The following ACOX2 variants were observed in gnomAD, a reference collection of about 807,000 sequenced individuals.
ACOX2 encodes the protein peroxisomal acyl-coenzyme A oxidase 2.
Under a neutral mutation model 77.5 loss-of-function variants are expected in ACOX2, and 59 were observed. The observed-to-expected ratio is 0.76, with a 90% CI of 0.62 to 0.95. The LOEUF is 0.95. Ranked by LOEUF, ACOX2 falls within the 40% of genes least tolerant of loss-of-function variation. The probability of loss-of-function intolerance (pLI) is 0.00; values close to 1 mark genes in which losing one functional copy is unlikely to be tolerated. For missense variants in ACOX2, 837 were observed against 880.4 expected (o/e 0.95, Z 0.62); for synonymous variants, 317 against 340.1 (o/e 0.93, Z 0.75).
rs1172004892 is a variant in ACOX2, at chr3:58,523,602, T to A, written c.1526+824A>T. Among the ~76,000 whole-genome samples, 3 of 151,972 alleles carry A rather than the reference T, an allele frequency of 2.0e-5. No individual in the cohort carries two copies. The highest frequency in any genetic ancestry group is 4.4e-5 in the Non-Finnish European group (3 of 68,020). On this transcript the variant is annotated intron_variant, in intron 11 of 14. Transcript: ENST00000302819. This position sits in a 1 kb window ranked among gnomAD's most constrained non-coding sequence, Gnocchi z 5.3. ...TTTGTTTTTGGTGTTTCCTTTTTAT[T>A]TTTTTATTAAAATTTTTTGTATTTT...
chr3:58,530,213 C>T (rs910680256), intron 8 of ACOX2, among the ~76,000 whole-genome samples: 2 of 152,236 alleles, frequency 1.3e-5, no homozygotes, highest in Admixed American at 6.5e-5. Context: ...CACATAGAGC[C>T]CGATGGGGGC....
chr3:58,509,168 AT>A, intron 13 of ACOX2, 143 bp from the exon 14 acceptor site: 2 of 1,029,118 alleles, frequency 1.9e-6, no homozygotes, highest in Non-Finnish European at 1.4e-6. Flanking sequence ...TTTAGTTTTT[AT>A]TTTTTAATCA....
chr3:58,507,995 C>T (rs2063247019), intron 14 of ACOX2, among the ~76,000 whole-genome samples: 1 of 152,182 alleles, frequency 6.6e-6, no homozygotes, highest in African/African-American at 2.4e-5. Context: ...AGCTTCACCA[C>T]CTGAATCATG....
chr3:58,535,084 A>T lies in ACOX2; in HGVS notation c.23T>A (p.Val8Glu), dbSNP rs902727935. The change falls in exon 2 of 15, where the codon GTG becomes GAG. Residue 8 changes from valine (V) to glutamate (E), a missense_variant. By Grantham distance (121) the Val-to-Glu change is moderately radical. Transcript: ENST00000302819. The surrounding 1 kb of genome is among the most constrained non-coding windows in gnomAD (Gnocchi z 4.8). MGSPVHRVSLGDTWSRQM... is the reference protein window; with the variant it reads MGSPVHRESLGDTWSRQM... The stretch of plus-strand genomic sequence containing the variant: ...CCTGCTCCAGGTATCCCCCAATGAC[A>T]CTCGGTGCACTGGGCTGCCCATCCT... 7 of 1,614,064 alleles carry T rather than the reference A, an allele frequency of 4.3e-6. No individual in the cohort carries two copies. Among genetic ancestry groups the T allele is most frequent in the Non-Finnish European group, 5.1e-6 (6 of 1,180,014 alleles).
At position 58,533,838 on chromosome 3, in the gene ACOX2, C is replaced by T. The variant is rs972342154; in HGVS notation, c.475+156G>A. 8 of 1,008,264 alleles carry T rather than the reference C, an allele frequency of 7.9e-6. No individual in the cohort carries two copies. Among genetic ancestry groups the T allele is most frequent in the Non-Finnish European group, 1.1e-5 (8 of 701,570 alleles). 62.5% of individuals were successfully genotyped at this position (1,008,264 alleles called of 1,614,324 possible). ...ACGTGCAAATTAGAAGGTGGCACCCCTTCCTCAGGACCCTTGACTGCCAGC... is the reference window on the plus strand; with the variant it reads ...ACGTGCAAATTAGAAGGTGGCACCCTTTCCTCAGGACCCTTGACTGCCAGC... On this transcript the variant is annotated intron_variant, in intron 4 of 14. Coordinates refer to ENST00000302819, the MANE Select transcript of ACOX2 (RefSeq NM_003500.4). This position sits in a 1 kb window ranked among gnomAD's most constrained non-coding sequence, Gnocchi z 5.6.
chr3:58,522,671 G>T lies in ACOX2; in HGVS notation c.1527-70C>A. 7.3e-7 allele frequency: 1 copy of T among 1,375,612 alleles called. No individual in the cohort carries two copies. Among genetic ancestry groups the T allele is most frequent in the Non-Finnish European group, 1.0e-6 (1 of 964,328 alleles). 85.2% of individuals were successfully genotyped at this position (1,375,612 alleles called of 1,614,324 possible). On this transcript the variant is annotated intron_variant, in intron 11 of 14. Coordinates refer to ENST00000302819, the MANE Select transcript of ACOX2 (RefSeq NM_003500.4). The surrounding 1 kb of genome is among the most constrained non-coding windows in gnomAD (Gnocchi z 4.3). ...AAAGACAACTGATGGGCTTCCTGTG[G>T]TCCCTCAGAAGTAGAAATAATGCCT...
intron 14 of ACOX2, among the ~76,000 whole-genome samples, chr3:58,508,182 A>G (rs2063248057): frequency 6.6e-6 from 1 of 152,204 alleles, no homozygotes; most frequent in Non-Finnish European, 1.5e-5. Flanking sequence ...AGAGGCTCAT[A>G]AGCATAGAGC....
In ACOX2 at chr3:58,530,448, T is replaced by C. The variant is rs938402888; in HGVS notation, c.992+18A>G. On this transcript the variant is annotated intron_variant, in intron 8 of 14. Coordinates refer to ENST00000302819, the MANE Select transcript of ACOX2 (RefSeq NM_003500.4). ...GAGGCAGCATATCTGCGGTAGTCAG[T>C]CACTGGGCACCCCTTGCCTGGGCCG... 1.2e-6 allele frequency: 2 copies of C among 1,611,382 alleles called. No homozygotes were observed. Among genetic ancestry groups the C allele is most frequent in the Non-Finnish European group, 1.7e-6 (2 of 1,178,304 alleles).
In ACOX2 at chr3:58,522,441, A is replaced by G. The variant is rs1342120506; in HGVS notation, c.1632+55T>C. The G allele has an allele frequency of 9.0e-6, 14 of 1,547,198 alleles. No homozygotes were observed. Among genetic ancestry groups the G allele is most frequent in the Non-Finnish European group, 1.2e-5 (14 of 1,121,366 alleles). ...AGAGCCCGGATTTTCCCAGCAGGGTAGCCTGCCTGGGAAGCAAAATGGATC... is the reference window on the plus strand; with the variant it reads ...AGAGCCCGGATTTTCCCAGCAGGGTGGCCTGCCTGGGAAGCAAAATGGATC... On this transcript the variant is annotated intron_variant, in intron 12 of 14. Coordinates refer to ENST00000302819, the MANE Select transcript of ACOX2 (RefSeq NM_003500.4). The surrounding 1 kb of genome is among the most constrained non-coding windows in gnomAD (Gnocchi z 4.3).
intron 13 of ACOX2, among the ~76,000 whole-genome samples, chr3:58,513,560 T>A (rs764713692): frequency 2.6e-5 from 4 of 152,190 alleles, no homozygotes; most frequent in Non-Finnish European, 4.4e-5. Flanking sequence ...TCTCTGAATA[T>A]TAGTTTTAAA....
In ACOX2 at chr3:58,524,298, G is replaced by A. The variant is rs1576995112; in HGVS notation, c.1526+128C>T. On this transcript the variant is annotated intron_variant, in intron 11 of 14. Coordinates refer to ENST00000302819, the MANE Select transcript of ACOX2 (RefSeq NM_003500.4). The surrounding 1 kb of genome is among the most constrained non-coding windows in gnomAD (Gnocchi z 5.5). The stretch of plus-strand genomic sequence containing the variant: ...CATGGTGGCAGGAACTGAGAGGACC[G>A]GGGAGGCTAGGCATGGGGTGGTTTT... 13 of 1,201,066 alleles carry A rather than the reference G, an allele frequency of 1.1e-5. No individual in the cohort carries two copies. The highest frequency in any genetic ancestry group is 3.0e-5 in the African/African-American group (2 of 65,638). The allele number at this position is 1,201,066 out of a possible 1,614,324, so 74.4% of individuals were successfully genotyped here.
rs1214761588 is a variant in ACOX2 at position 58,533,394 on chromosome 3, A to G, written c.583+51T>C. The stretch of plus-strand genomic sequence containing the variant: ...AAAGCCAGTGCTACTCTGCCCTCCA[A>G]CATTCTTCTACTTGGGGAGAGTTAA... On this transcript the variant is annotated intron_variant, in intron 5 of 14. Transcript: ENST00000302819. This position sits in a 1 kb window ranked among gnomAD's most constrained non-coding sequence, Gnocchi z 5.6. 14 of 1,534,524 alleles carry G rather than the reference A, an allele frequency of 9.1e-6. No homozygotes were observed. Among genetic ancestry groups the G allele is most frequent in the Admixed American group, 3.4e-5 (2 of 59,416 alleles).
Position 58,530,518 on chromosome 3 carries a change from C to T in ACOX2, c.940G>A (p.Val314Ile). ...ATGACCGAGTAGCGCATGGCGATGACACAGGCCTTCTGCAGTATAGGGAGG... is the reference window on the plus strand; with the variant it reads ...ATGACCGAGTAGCGCATGGCGATGATACAGGCCTTCTGCAGTATAGGGAGG... ...EILPILQKAC[V>I]IAMRYSVIRR... The change falls in exon 8 of 15, where the codon GTC becomes ATC. Residue 314 changes from valine to isoleucine, a missense_variant. Val to Ile is a conservative substitution (Grantham distance 29). Coordinates refer to ENST00000302819, the MANE Select transcript of ACOX2 (RefSeq NM_003500.4). The T allele has an allele frequency of 6.2e-7, 1 of 1,614,244 alleles. No homozygotes were observed. The highest frequency in any genetic ancestry group is 1.1e-5 in the South Asian group (1 of 91,084).
rs1055728772 is a variant in ACOX2 at position 58,519,979 on chromosome 3, G to A, written c.1632+2517C>T. On this transcript the variant is annotated intron_variant, in intron 12 of 14. Coordinates refer to ENST00000302819, the MANE Select transcript of ACOX2 (RefSeq NM_003500.4). The surrounding 1 kb of genome is among the most constrained non-coding windows in gnomAD (Gnocchi z 5.0). ...TGGAGTGATGGAGAGCTGCCCAGGGGCCTGGGCCTTAAAAAGCAGGATGAG... is the reference window on the plus strand; with the variant it reads ...TGGAGTGATGGAGAGCTGCCCAGGGACCTGGGCCTTAAAAAGCAGGATGAG... Among the ~76,000 whole-genome samples the A allele has an allele frequency of 2.0e-5, 3 of 152,232 alleles. No homozygotes were observed. The highest frequency in any genetic ancestry group is 7.2e-5 in the African/African-American group (3 of 41,470).
chr3:58,513,891 C>G (rs1430114285), intron 13 of ACOX2, among the ~76,000 whole-genome samples: 2 of 152,136 alleles, frequency 1.3e-5, no homozygotes, highest in East Asian at 3.9e-4. Context: ...GTGTCTTTAG[C>G]TCCTTCTCCT....
chr3:58,534,434 C>T lies in ACOX2; in HGVS notation c.249G>A (p.Arg83=). 6.2e-7 allele frequency: 1 copy of T among 1,614,158 alleles called. No homozygotes were observed. Among genetic ancestry groups the T allele is most frequent in the Non-Finnish European group, 8.5e-7 (1 of 1,180,036 alleles). The part of the protein sequence containing the change: ...QNERYKAAMR[R]AFHIRLIARR... ...GAGCTATCAACCGGATGTGGAATGCCCTCCGCATGGCAGCCTTATAACGCT... is the reference window on the plus strand; with the variant it reads ...GAGCTATCAACCGGATGTGGAATGCTCTCCGCATGGCAGCCTTATAACGCT... The change falls in exon 3 of 15, where the codon AGG becomes AGA. Residue 83 remains arginine (R), a synonymous_variant. Coordinates refer to ENST00000302819, the MANE Select transcript of ACOX2 (RefSeq NM_003500.4). This position sits in a 1 kb window ranked among gnomAD's most constrained non-coding sequence, Gnocchi z 4.8.
At chr3:58,527,815 AAGT>A (rs1481869583) in intron 9 of ACOX2, among the ~76,000 whole-genome samples, 1 of 151,988 alleles carries the variant, frequency 6.6e-6, no homozygotes, top group Admixed American at 6.6e-5. Context: ...TCAGCCTCCA[AAGT>A]AGTAGTTGGG....
chr3:58,530,363 G>C, intron 8 of ACOX2, 103 bp downstream of exon 8: 7 of 1,487,132 alleles, frequency 4.7e-6, no homozygotes, highest in Middle Eastern at 2.4e-4. Flanking sequence ...GGCATTGCCT[G>C]CTCCCAGCAC....
chr3:58,513,262 C>T (rs771055356), intron 13 of ACOX2, among the ~76,000 whole-genome samples: 50 of 152,134 alleles, frequency 3.3e-4, no homozygotes, highest in Non-Finnish European at 5.9e-4. Flanking sequence ...AGTCTGTAGG[C>T]ATCTGTGACC....
Sources: gnomAD v4.1 joint callset for allele counts (sites outside exome capture counted in the v4.1 genomes callset) on GRCh38, gnomAD v4.1.1 for gene constraint, Gnocchi (gnomAD v3.1) non-coding constraint, MANE v1.5 for transcripts, NCBI Gene and HGNC (gene_info 2026-07-23, HGNC 2026-07-21) for gene names.